The following NEK11 variants were observed in gnomAD, a reference collection of about 807,000 sequenced individuals.
NEK11 encodes NIMA related kinase 11, also known as serine/threonine-protein kinase Nek11.
A neutral mutation model predicts 80.7 loss-of-function variants in NEK11; 72 were observed. The observed-to-expected ratio is 0.89, with a 90% CI of 0.74 to 1.08. The LOEUF is 1.08. Ranked by LOEUF, NEK11 falls within the 50% of genes least tolerant of loss-of-function variation. The pLI, the probability that NEK11 is intolerant of heterozygous loss-of-function variation, is 0.00. For synonymous variants in NEK11, 251 were observed against 260.7 expected, an observed-to-expected ratio of 0.96 and a Z score of 0.36; for missense variants, 764 against 763.6, an observed-to-expected ratio of 1.00 and a Z score of -0.01.
At position 131,046,736 on chromosome 3, in the gene NEK11, A is replaced by T. The variant is rs1050378637; in HGVS notation, c.170+16858A>T. On this transcript the variant is annotated intron_variant, in intron 3 of 17. Coordinates refer to ENST00000383366, the MANE Select transcript of NEK11 (RefSeq NM_024800.5). ...CACAGCTCTTAAGATAGTTTCATTCATCTTGACTTGAGACAGCCTGATGAG... is the reference window on the plus strand; with the variant it reads ...CACAGCTCTTAAGATAGTTTCATTCTTCTTGACTTGAGACAGCCTGATGAG... Among the ~76,000 whole-genome samples the T allele has an allele frequency of 3.8e-4, 58 of 152,186 alleles. 1 individual carries two copies. The highest frequency in any genetic ancestry group is 1.4e-3 in the African/African-American group (56 of 41,444).
At chr3:131,203,002 A>G (rs1182361466) in intron 14 of NEK11, among the ~76,000 whole-genome samples, 2 of 151,958 alleles carry the variant, frequency 1.3e-5, no homozygotes. Context: ...TAGTTCAACC[A>G]TTGTGGAAGG....
At chr3:131,275,440 T>G (rs953440885) in intron 17 of NEK11, among the ~76,000 whole-genome samples, 1 of 152,210 alleles carries the variant, frequency 6.6e-6, no homozygotes, top group African/African-American at 2.4e-5. Flanking sequence ...TTGGCCAAGA[T>G]GCATTCTAAT....
intron 14 of NEK11, among the ~76,000 whole-genome samples, chr3:131,186,260 T>C (rs776454773): frequency 6.6e-6 from 1 of 152,226 alleles, no homozygotes; most frequent in Non-Finnish European, 1.5e-5. Flanking sequence ...TTATTTGCTA[T>C]TGTTTTTGCG....
intron 17 of NEK11, among the ~76,000 whole-genome samples, chr3:131,331,487 G>A (rs185279791): frequency 6.6e-6 from 1 of 152,332 alleles, no homozygotes; most frequent in East Asian, 1.9e-4. Flanking sequence ...CAGCCAAGAT[G>A]GCCGAATAGG....
At chr3:131,128,376 A>G (rs1210687976) in intron 5 of NEK11, among the ~76,000 whole-genome samples, 5 of 152,144 alleles carry the variant, frequency 3.3e-5, no homozygotes, top group Non-Finnish European at 5.9e-5. Context: ...ATAGTTTAAC[A>G]TTTTCCAGAT....
At chr3:131,264,787 C>G in intron 16 of NEK11, among the ~76,000 whole-genome samples, 1 of 152,162 alleles carries the variant, frequency 6.6e-6, no homozygotes, top group Non-Finnish European at 1.5e-5. Flanking sequence ...GGCATTGAAT[C>G]TATAAATTAC....
At chr3:131,203,809 A>G (rs1207930425) in intron 14 of NEK11, among the ~76,000 whole-genome samples, 1,184 of 65,568 alleles carry the variant, frequency 0.018, 90 homozygotes, top group African/African-American at 0.061. Flanking sequence ...ATATATATAT[A>G]TATATATATA....
intron 16 of NEK11, among the ~76,000 whole-genome samples, chr3:131,273,233 T>G (rs1313787376): frequency 1.3e-5 from 2 of 152,224 alleles, no homozygotes; most frequent in African/African-American, 4.8e-5. Flanking sequence ...GTGTTTTGTT[T>G]AAACAATCCT....
chr3:131,231,208 CTT>C (rs200841954), intron 15 of NEK11, among the ~76,000 whole-genome samples: 1 of 144,450 alleles, frequency 6.9e-6, no homozygotes, highest in South Asian at 2.2e-4. Flanking sequence ...TCTTTTTTTT[CTT>C]TTTTTTTTTG....
chr3:131,031,633 GC>G (rs1326678016), intron 3 of NEK11, among the ~76,000 whole-genome samples: 1 of 152,122 alleles, frequency 6.6e-6, no homozygotes, highest in East Asian at 1.9e-4. Flanking sequence ...TTTGTAGTCA[GC>G]GGGGAAGAGA....
intron 5 of NEK11, among the ~76,000 whole-genome samples, chr3:131,120,593 T>C (rs1260924822): frequency 6.6e-6 from 1 of 152,200 alleles, no homozygotes; most frequent in Admixed American, 6.5e-5. Context: ...GGTTCTATTC[T>C]CCCTGTCGCT....
At chr3:131,078,488 T>C (rs187732816) in intron 3 of NEK11, among the ~76,000 whole-genome samples, 24 of 152,296 alleles carry the variant, frequency 1.6e-4, no homozygotes, top group Admixed American at 9.8e-4. Flanking sequence ...TTGTAGTCTC[T>C]CACTGAGAAA....
At chr3:131,256,950 G>T (rs968548178) in intron 16 of NEK11, among the ~76,000 whole-genome samples, 1 of 151,984 alleles carries the variant, frequency 6.6e-6, no homozygotes, top group Non-Finnish European at 1.5e-5. Flanking sequence ...CCGCAAACCT[G>T]CCTGGATGGA....
At chr3:131,200,189 G>C (rs1323144414) in intron 14 of NEK11, among the ~76,000 whole-genome samples, 1 of 152,194 alleles carries the variant, frequency 6.6e-6, no homozygotes, top group East Asian at 1.9e-4. Flanking sequence ...AAACGCATAA[G>C]TAATTGACAT....
intron 15 of NEK11, among the ~76,000 whole-genome samples, chr3:131,239,114 G>GAA (rs1240925470): frequency 6.8e-6 from 1 of 148,058 alleles, no homozygotes. Context: ...AGCCTCTCAG[G>GAA]AAAAAAAAAA....
At chr3:131,154,703 G>A (rs1385898324) in intron 9 of NEK11, among the ~76,000 whole-genome samples, 2 of 152,164 alleles carry the variant, frequency 1.3e-5, no homozygotes, top group African/African-American at 2.4e-5. Flanking sequence ...GGCCCTGGGA[G>A]TGTAGATACT....
chr3:131,032,333 G>T (rs1267410452), intron 3 of NEK11, among the ~76,000 whole-genome samples: 1 of 152,076 alleles, frequency 6.6e-6, no homozygotes, highest in Non-Finnish European at 1.5e-5. Flanking sequence ...AAAAAGATTT[G>T]GGAACGTTTG....
At chr3:131,034,929 AACT>A (rs1409687519) in intron 3 of NEK11, among the ~76,000 whole-genome samples, 1 of 152,130 alleles carries the variant, frequency 6.6e-6, no homozygotes, top group Non-Finnish European at 1.5e-5. Flanking sequence ...TGTACTATCT[AACT>A]TATGTGTATT....
At chr3:131,143,574 CACTGTATCT>C (rs772727208) in intron 7 of NEK11, among the ~76,000 whole-genome samples, 2 of 151,664 alleles carry the variant, frequency 1.3e-5, no homozygotes, top group Admixed American at 1.3e-4. Context: ...ACTATGCTTC[CACTGTATCT>C]ACTGTTTCCC....
Sources: gnomAD v4.1 joint callset for allele counts (sites outside exome capture counted in the v4.1 genomes callset) on GRCh38, gnomAD v4.1.1 for gene constraint, MANE v1.5 for transcripts, NCBI Gene and HGNC (gene_info 2026-07-23, HGNC 2026-07-21) for gene names.